ETFA: variants seen among roughly 807,000 people sequenced by gnomAD.
ETFA encodes electron transfer flavoprotein subunit alpha, mitochondrial.
ETFA carries 22 observed loss-of-function variants against 46.2 expected under a neutral mutation model. The observed-to-expected ratio is 0.48, with a 90% CI of 0.34 to 0.68. The LOEUF is 0.68. Ranked by LOEUF, ETFA falls within the 30% of genes least tolerant of loss-of-function variation. The pLI is 0.01. For synonymous variants in ETFA, 131 were observed against 139.9 expected (o/e 0.94, Z 0.45); for missense variants, 345 against 401.1 (o/e 0.86, Z 1.19).
At chr15:76,303,102 C>T (rs1476328206) in intron 1 of ETFA, among the ~76,000 whole-genome samples, 1 of 152,106 alleles carries the variant, frequency 6.6e-6, no homozygotes, top group Admixed American at 6.6e-5. Context: ...GTCAGGAGTT[C>T]GAGACCAGCC....
At chr15:76,244,789 A>G (rs533755083) in intron 9 of ETFA, among the ~76,000 whole-genome samples, 9 of 152,360 alleles carry the variant, frequency 5.9e-5, no homozygotes, top group Non-Finnish European at 1.2e-4. Flanking sequence ...TTTTCATGTC[A>G]GCTGTTAAAT....
In ETFA at chr15:76,231,290, A is replaced by T. The variant is rs748206461; in HGVS notation, c.882+43T>A. 3.1e-6 allele frequency: 4 copies of T among 1,288,376 alleles called. No individual in the cohort carries two copies. The East Asian group carries it at 9.2e-5, about 30-fold the overall frequency. The allele number at this position is 1,288,376 out of a possible 1,614,324, so 79.8% of individuals were successfully genotyped here. A position where few individuals can be genotyped will look rare whatever the true frequency, so the allele number is the denominator to read the frequency against. On this transcript the variant is annotated intron_variant, in intron 10 of 11. Coordinates refer to ENST00000557943, the MANE Select transcript of ETFA (RefSeq NM_000126.4). ...ACATACAAGGTAAGCCAAATCCTAA[A>T]ATGTGGAAACGTTTTCTTTTAACAT...
chr15:76,293,068 C>T (rs1280999160), intron 2 of ETFA, among the ~76,000 whole-genome samples: 2 of 152,134 alleles, frequency 1.3e-5, no homozygotes, highest in Non-Finnish European at 2.9e-5. Flanking sequence ...ACCCAGGAGG[C>T]GGAGGTTACA....
At chr15:76,231,594 T>C (rs985565465) in intron 9 of ETFA, among the ~76,000 whole-genome samples, 196 bp from the exon 10 acceptor site, 3 of 152,226 alleles carry the variant, frequency 2.0e-5, no homozygotes, top group Non-Finnish European at 4.4e-5. Flanking sequence ...TGAATTCCTA[T>C]AGCAATGGTA....
At chr15:76,288,920 C>CTTCTT (rs1225461781) in intron 4 of ETFA, among the ~76,000 whole-genome samples, 5 of 110,120 alleles carry the variant, frequency 4.5e-5, no homozygotes, top group Non-Finnish European at 8.8e-5. Flanking sequence ...TCTTCTTCTT[C>CTTCTT]TTTTTTTTTT....
intron 9 of ETFA, among the ~76,000 whole-genome samples, chr15:76,271,841 T>G (rs1186910366): frequency 1.3e-5 from 2 of 152,026 alleles, no homozygotes; most frequent in Non-Finnish European, 2.9e-5. Context: ...TTCAGATCCT[T>G]AACAAAATGT....
intron 9 of ETFA, among the ~76,000 whole-genome samples, chr15:76,269,930 G>C (rs1596210281): frequency 1.3e-5 from 2 of 152,190 alleles, no homozygotes; most frequent in Admixed American, 6.5e-5. Context: ...ACTAAAAAAG[G>C]GCAAAAGATT....
intron 8 of ETFA, among the ~76,000 whole-genome samples, chr15:76,280,884 T>C (rs1465644176): frequency 6.6e-6 from 1 of 151,234 alleles, no homozygotes; most frequent in African/African-American, 2.4e-5. Flanking sequence ...CATGGGTCGC[T>C]TCCTCACCTC....
intron 1 of ETFA, among the ~76,000 whole-genome samples, chr15:76,305,905 G>A (rs1360140913): frequency 1.3e-5 from 2 of 149,134 alleles, no homozygotes; most frequent in African/African-American, 2.5e-5. Flanking sequence ...GTTTGAGACT[G>A]GGTCTTGCTT....
At chr15:76,216,753 G>A (rs901051439) in intron 11 of ETFA, among the ~76,000 whole-genome samples, 156 bp from the exon 12 acceptor site, 9 of 151,774 alleles carry the variant, frequency 5.9e-5, no homozygotes, top group African/African-American at 1.5e-4. Context: ...CCTGTTCTCC[G>A]GTAGTCTCTC....
chr15:76,232,928 A>C (rs2039084333), intron 9 of ETFA, among the ~76,000 whole-genome samples: 1 of 152,360 alleles, frequency 6.6e-6, no homozygotes, highest in South Asian at 2.1e-4. Context: ...TTACAAGCAT[A>C]AAGTGTCCAA....
rs766977206 is a variant in ETFA at position 76,231,377 on chromosome 15, T to G, written c.838A>C (p.Ile280Leu). Residue 280 changes from isoleucine to leucine, a missense_variant, in exon 10 of 12, where the codon ATA becomes CTA. Transcript: ENST00000557943. ...GCTAAATGTTGGATGGCTCCAGATA[T>G]TCCAACAGCAATATAAAGTTCCTGA... ...VAPELYIAVG[I>L]SGAIQHLAGM... 2.5e-6 allele frequency: 4 copies of G among 1,603,196 alleles called. No individual in the cohort carries two copies. In the Admixed American group the frequency reaches 5.0e-5, roughly 20 times the overall value.
chr15:76,230,387 C>T (rs1227377796), intron 10 of ETFA: 8 of 64,236 alleles, frequency 1.2e-4, no homozygotes, highest in African/African-American at 2.7e-4. Context: ...CTACCACGCC[C>T]GGCTAATTTT....
chr15:76,255,917 T>G (rs2039341639), intron 9 of ETFA, among the ~76,000 whole-genome samples: 1 of 152,140 alleles, frequency 6.6e-6, no homozygotes, highest in African/African-American at 2.4e-5. Flanking sequence ...TGTTGTTTTT[T>G]TTTTTTAAAG....
At chr15:76,262,745 G>A (rs1159925312) in intron 9 of ETFA, among the ~76,000 whole-genome samples, 2 of 152,142 alleles carry the variant, frequency 1.3e-5, no homozygotes, top group Non-Finnish European at 2.9e-5. Flanking sequence ...GCCTCCCAAA[G>A]TGCTGGGTTA....
At chr15:76,253,734 A>T (rs1258952323) in intron 9 of ETFA, among the ~76,000 whole-genome samples, 2 of 152,206 alleles carry the variant, frequency 1.3e-5, no homozygotes, top group Non-Finnish European at 2.9e-5. Context: ...TTGGATGGCC[A>T]CAAGTGTAAT....
chr15:76,267,111 G>C (rs770134185), intron 9 of ETFA, among the ~76,000 whole-genome samples: 9 of 152,132 alleles, frequency 5.9e-5, no homozygotes, highest in Non-Finnish European at 1.2e-4. Context: ...TCCATCAATT[G>C]AGGAAAAAAT....
chr15:76,296,792 T>C (rs1268633431), intron 1 of ETFA, among the ~76,000 whole-genome samples: 1 of 152,148 alleles, frequency 6.6e-6, no homozygotes, highest in African/African-American at 2.4e-5. Context: ...ACAAGAATGG[T>C]CCCTGTATAT....
Position 76,224,416 on chromosome 15 carries a change from C to T in ETFA, c.963+1433G>A, listed in dbSNP as rs1475773369. ...CGGGGGCCTTCTGAGGGGAAGTATG[C>T]CCAACACTGAGCCAGAGCAAGAGCC... On this transcript the variant is annotated intron_variant, in intron 11 of 11. Transcript: ENST00000557943. Among the ~76,000 whole-genome samples, 4 of 152,204 alleles carry T rather than the reference C, an allele frequency of 2.6e-5. No homozygotes were observed. The East Asian group carries it at 7.7e-4, about 29-fold the overall frequency.
Sources: allele counts gnomAD v4.1 joint callset (sites outside exome capture counted in the v4.1 genomes callset), GRCh38; gene constraint gnomAD v4.1.1; transcripts MANE v1.5; gene names NCBI Gene and HGNC (gene_info 2026-07-23, HGNC 2026-07-21).